Variants in SORL1 observed in about 807,000 individuals in gnomAD.
The protein encoded by SORL1 is sortilin-related receptor.
SORL1 carries 127 observed loss-of-function variants against 273.7 expected under a neutral mutation model. The observed-to-expected ratio is 0.46, with a 90% CI of 0.40 to 0.54. The LOEUF is 0.54. Ranked by LOEUF, SORL1 falls within the 20% of genes least tolerant of loss-of-function variation. SORL1 has a pLI of 0.00. For synonymous variants in SORL1, 1,031 were observed against 1,067.4 expected (o/e 0.97, Z 0.66); for missense variants, 2,494 against 2,846.1 (o/e 0.88, Z 2.81).
intron 12 of SORL1, among the ~76,000 whole-genome samples, chr11:121,538,869 G>A (rs1862306575): frequency 6.6e-6 from 1 of 152,008 alleles, no homozygotes; most frequent in Non-Finnish European, 1.5e-5. Flanking sequence ...AGTAGAGGCG[G>A]GGTTTCACCT....
At chr11:121,534,475 G>A (rs1362062013) in intron 12 of SORL1, among the ~76,000 whole-genome samples, 1 of 152,206 alleles carries the variant, frequency 6.6e-6, no homozygotes, top group East Asian at 1.9e-4. Context: ...GGGGATTATG[G>A]TCACTGTAGC....
At chr11:121,600,067 CAG>C (rs1863363702) in intron 32 of SORL1, among the ~76,000 whole-genome samples, 1 of 152,174 alleles carries the variant, frequency 6.6e-6, no homozygotes, top group Admixed American at 6.5e-5. Flanking sequence ...GCAAGTAATA[CAG>C]AGTTACCCAG....
rs539168807 is a variant in SORL1 at position 121,606,285 on chromosome 11, C to T, written c.4949-560C>T. On this transcript the variant is annotated intron_variant, in intron 35 of 47. Transcript: ENST00000260197. ...TGTCTAAGAGAGTTCCTCGCCTCCT[C>T]CCTACTTCAAAGTAGTTGACATGAG... Among the ~76,000 whole-genome samples the T allele has an allele frequency of 9.2e-5, 14 of 152,294 alleles. No homozygotes were observed. The South Asian group carries it at 2.1e-3, about 23-fold the overall frequency.
chr11:121,598,546 G>A (rs1231602368), intron 32 of SORL1, among the ~76,000 whole-genome samples: 1 of 152,170 alleles, frequency 6.6e-6, no homozygotes, highest in Non-Finnish European at 1.5e-5. Flanking sequence ...AGAAACCGGG[G>A]CATTCTTGTC....
At chr11:121,606,798 G>A (rs1290252201) in intron 35 of SORL1, 47 bp from the exon 36 acceptor site, 2 of 1,195,330 alleles carry the variant, frequency 1.7e-6, no homozygotes, top group East Asian at 5.2e-5. Context: ...TCCTCTGGTT[G>A]GCTGCTATGC....
At chr11:121,516,035 C>T (rs759989564) in intron 8 of SORL1, among the ~76,000 whole-genome samples, 66 of 152,178 alleles carry the variant, frequency 4.3e-4, no homozygotes, top group Non-Finnish European at 8.7e-4. Flanking sequence ...CCGTTAAAAT[C>T]TGTGAATTGC....
chr11:121,466,918 A>G (rs1400312914), intron 1 of SORL1, among the ~76,000 whole-genome samples: 2 of 152,218 alleles, frequency 1.3e-5, no homozygotes, highest in Non-Finnish European at 2.9e-5. Context: ...TCTTATGAGT[A>G]AAAGGGACAT....
chr11:121,482,567 A>G (rs1861408835), intron 3 of SORL1, among the ~76,000 whole-genome samples: 1 of 152,204 alleles, frequency 6.6e-6, no homozygotes, highest in Admixed American at 6.5e-5. Context: ...ATGACTCTTA[A>G]CAGTGCTGAT....
In SORL1 at chr11:121,514,167, G is replaced by T; in HGVS notation, c.1057G>T (p.Asp353Tyr). The T allele has an allele frequency of 6.2e-7, 1 of 1,613,034 alleles. No individual in the cohort carries two copies. The highest frequency in any genetic ancestry group is 8.5e-7 in the Non-Finnish European group (1 of 1,179,732). The change falls in exon 8 of 48, where the codon GAT becomes TAT. Residue 353 changes from aspartate (D) to tyrosine (Y), a missense_variant. Asp to Tyr is a radical substitution (Grantham distance 160). Coordinates refer to ENST00000260197, the MANE Select transcript of SORL1 (RefSeq NM_003105.6). ...GATTCCAAAGGAATATTACATCGCA[G>T]ATGCCTCCGAGGACCAGGTGTTTGT... ...RHPINEYYIA[D>Y]ASEDQVFVCV...
At position 121,496,848 on chromosome 11, in the gene SORL1, CT is replaced by C. The variant is rs112421669; in HGVS notation, c.759-8del. 0.14 allele frequency: 171,334 copies of C among 1,187,132 alleles called. 2,002 individuals are homozygous for C. Among genetic ancestry groups the C allele is most frequent in the East Asian group, 0.37 (13,954 of 37,778 alleles). The allele number at this position is 1,187,132 out of a possible 1,614,324, so 73.5% of individuals were successfully genotyped here. A position where few individuals can be genotyped will look rare whatever the true frequency, so the allele number is the denominator to read the frequency against. ...AATTAAATGTGCAAATGATAACAAC[CT>C]TTTTTTTTTTTTCTGCCAGGGGAAT... On this transcript the variant is annotated intron_variant, in intron 5 of 47. Transcript: ENST00000260197.
chr11:121,487,133 A>C (rs1483311057), intron 3 of SORL1, among the ~76,000 whole-genome samples: 1 of 152,170 alleles, frequency 6.6e-6, no homozygotes, highest in Non-Finnish European at 1.5e-5. Flanking sequence ...AGAGGCACTC[A>C]TAGGACTCTG....
chr11:121,534,711 A>G (rs1040837671), intron 12 of SORL1, among the ~76,000 whole-genome samples: 1 of 152,188 alleles, frequency 6.6e-6, no homozygotes, highest in African/African-American at 2.4e-5. Context: ...GCAAGAAATA[A>G]TATTCAAGTT....
chr11:121,468,668 G>A (rs1042702097), intron 1 of SORL1, among the ~76,000 whole-genome samples: 2 of 152,004 alleles, frequency 1.3e-5, no homozygotes, highest in South Asian at 2.1e-4. Context: ...TGATCTGCCC[G>A]CCTTGGCCTC....
At chr11:121,493,070 T>C (rs370618756) in intron 5 of SORL1, among the ~76,000 whole-genome samples, 103 of 152,142 alleles carry the variant, frequency 6.8e-4, no homozygotes, top group African/African-American at 2.4e-3. Context: ...CTTCAAACTC[T>C]TGGGCTCAAG....
chr11:121,490,051 G>A lies in SORL1; in HGVS notation c.699G>A (p.Lys233=). The change falls in exon 5 of 48, where the codon AAG becomes AAA. Residue 233 remains lysine (K), a synonymous_variant. Transcript: ENST00000260197. ...ACCACTTGTCTTTGCAGCTGTGGAA[G>A]TCAGATGACTTTGGCCAGACCTGGA... ...DRSHPNKQLW[K]SDDFGQTWIM... is the part of the protein sequence containing the mutation. The A allele has an allele frequency of 6.2e-7, 1 of 1,613,700 alleles. No homozygotes were observed. The highest frequency in any genetic ancestry group is 8.5e-7 in the Non-Finnish European group (1 of 1,179,556).
At chr11:121,492,339 C>T (rs560427967) in intron 5 of SORL1, among the ~76,000 whole-genome samples, 7 of 152,042 alleles carry the variant, frequency 4.6e-5, no homozygotes, top group East Asian at 3.9e-4. Context: ...CCAGCCTGTG[C>T]GACAGACCAA....
At chr11:121,541,343 C>A (rs1372023080) in intron 12 of SORL1, among the ~76,000 whole-genome samples, 2 of 151,964 alleles carry the variant, frequency 1.3e-5, no homozygotes, top group East Asian at 3.9e-4. Context: ...TAGCTGGGAC[C>A]ACAGGGGGCA....
chr11:121,483,839 C>T (rs1284863158), intron 3 of SORL1, among the ~76,000 whole-genome samples: 1 of 152,128 alleles, frequency 6.6e-6, no homozygotes, highest in Non-Finnish European at 1.5e-5. Flanking sequence ...AATAATAGAG[C>T]TAGGGGAATC....
At chr11:121,506,832 T>C (rs1861793945) in intron 6 of SORL1, among the ~76,000 whole-genome samples, 1 of 152,236 alleles carries the variant, frequency 6.6e-6, no homozygotes, top group Non-Finnish European at 1.5e-5. Flanking sequence ...TCTGCTATTT[T>C]GCTCTTTGCT....
Sources: allele counts gnomAD v4.1 joint callset (sites outside exome capture counted in the v4.1 genomes callset), GRCh38; gene constraint gnomAD v4.1.1; transcripts MANE v1.5; gene names NCBI Gene and HGNC (gene_info 2026-07-23, HGNC 2026-07-21).